Variants in BARD1 observed in about 807,000 individuals in gnomAD.
The protein encoded by BARD1 is BRCA1 associated RING domain 1, also known as BRCA1-associated RING domain protein 1.
A neutral mutation model predicts 77.0 loss-of-function variants in BARD1; 73 were observed. The ratio of observed to expected loss-of-function variants is 0.95; its 90% CI spans 0.79 to 1.15. The LOEUF is 1.15. Among genes scored for constraint, BARD1 ranks in the 50% most tolerant of loss-of-function variants. The probability of loss-of-function intolerance (pLI) is 0.00; values close to 1 mark genes in which losing one functional copy is unlikely to be tolerated. For synonymous variants in BARD1, 384 were observed against 338.0 expected (o/e 1.14, Z -1.49); for missense variants, 993 against 938.8 (o/e 1.06, Z -0.75).
intron 9 of BARD1, among the ~76,000 whole-genome samples, chr2:214,737,877 A>T (rs1202405163): frequency 1.3e-5 from 2 of 152,176 alleles, no homozygotes; most frequent in African/African-American, 4.8e-5. Flanking sequence ...ATTTGTAATA[A>T]ACAGTTAATA....
rs113796802 is a variant in BARD1 at position 214,761,374 on chromosome 2, TA to T, written c.1568+6107del. ...AAATCCGAGGCAAAAAAATGAAAGA[TA>T]AAAATCACAAATCACTCTAACTTAT... is the stretch of plus-strand genomic sequence containing the variant. On this transcript the variant is annotated intron_variant, in intron 6 of 10. Transcript: ENST00000260947. Among the ~76,000 whole-genome samples, 313 of 151,898 alleles carry T rather than the reference TA, an allele frequency of 2.1e-3. 2 individuals carry two copies. The highest frequency in any genetic ancestry group is 7.1e-3 in the African/African-American group (293 of 41,446).
chr2:214,794,404 G>A (rs1476178310), intron 2 of BARD1, among the ~76,000 whole-genome samples: 1 of 152,088 alleles, frequency 6.6e-6, no homozygotes, highest in African/African-American at 2.4e-5. Flanking sequence ...AATCAAAAAA[G>A]TATCACAATA....
At chr2:214,776,554 T>C (rs1431447515) in intron 4 of BARD1, among the ~76,000 whole-genome samples, 2 of 152,090 alleles carry the variant, frequency 1.3e-5, no homozygotes, top group African/African-American at 4.8e-5. Flanking sequence ...GACTTACTGA[T>C]AGGAGAGCAG....
intron 9 of BARD1, among the ~76,000 whole-genome samples, chr2:214,734,178 A>T (rs1170085501): frequency 1.3e-5 from 2 of 152,134 alleles, no homozygotes; most frequent in African/African-American, 4.8e-5. Context: ...TTTAAATATT[A>T]AAAAAATATG....
intron 9 of BARD1, among the ~76,000 whole-genome samples, chr2:214,735,464 A>T (rs931205170): frequency 2.0e-5 from 3 of 152,118 alleles, no homozygotes; most frequent in Non-Finnish European, 4.4e-5. Flanking sequence ...TGATTTGGGG[A>T]TTACAAGAAA....
In BARD1 at chr2:214,797,927, A is replaced by T. The variant is rs1421208583; in HGVS notation, c.159-810T>A. ...AATACCTGCTACATTTGTTAATCCT[A>T]ACAAAGTAATGATACTAATAAATAC... is the stretch of plus-strand genomic sequence containing the variant. On this transcript the variant is annotated intron_variant, in intron 1 of 10. Coordinates refer to ENST00000260947, the MANE Select transcript of BARD1 (RefSeq NM_000465.4). Among the ~76,000 whole-genome samples, 3 of 152,096 alleles carry T rather than the reference A, an allele frequency of 2.0e-5. No homozygotes were observed. In the East Asian group the frequency reaches 5.8e-4, roughly 29 times the overall value.
intron 7 of BARD1, among the ~76,000 whole-genome samples, chr2:214,751,567 AG>A (rs918209515): frequency 6.6e-5 from 10 of 152,032 alleles, no homozygotes; most frequent in Non-Finnish European, 1.5e-5. Context: ...GTACAGTAAA[AG>A]TTTTTATATC....
At chr2:214,790,059 A>T (rs1695446987) in intron 3 of BARD1, among the ~76,000 whole-genome samples, 1 of 152,116 alleles carries the variant, frequency 6.6e-6, no homozygotes, top group Admixed American at 6.6e-5. Flanking sequence ...AAATATGAAG[A>T]AAGCATTTCA....
rs201219625 is a variant in BARD1, at chr2:214,792,281, T to C, written c.364+16A>G. The C allele has an allele frequency of 2.1e-5, 34 of 1,611,744 alleles. No individual in the cohort carries two copies. The highest frequency in any genetic ancestry group is 2.5e-5 in the Non-Finnish European group (30 of 1,178,826). ...AACTGATGAATTTAACTAAGAGAGA[T>C]AGGGATAGTTCTTACCTGACAGCTC... On this transcript the variant is annotated intron_variant, in intron 3 of 10. Coordinates refer to ENST00000260947, the MANE Select transcript of BARD1 (RefSeq NM_000465.4).
chr2:214,741,761 T>C (rs1056813864), intron 9 of BARD1, among the ~76,000 whole-genome samples: 5 of 152,188 alleles, frequency 3.3e-5, no homozygotes, highest in African/African-American at 9.7e-5. Context: ...TGTAAAATTA[T>C]GGCTTAGTCT....
intron 9 of BARD1, among the ~76,000 whole-genome samples, chr2:214,742,564 G>C (rs951648770): frequency 8.5e-5 from 13 of 152,094 alleles, no homozygotes; most frequent in African/African-American, 2.9e-4. Flanking sequence ...TATCCTAAAA[G>C]AACCATTGAT....
rs534199075 is a variant in BARD1 at position 214,734,757 on chromosome 2, CT to C, written c.1904-4250del. 7.2e-5 allele frequency among the ~76,000 whole-genome samples: 11 copies of C among 152,198 alleles called. No homozygotes were observed. In the South Asian group the frequency reaches 2.3e-3, roughly 32 times the overall value. On this transcript the variant is annotated intron_variant, in intron 9 of 10. Coordinates refer to ENST00000260947, the MANE Select transcript of BARD1 (RefSeq NM_000465.4). ...ATACCAATTTATTCTATTCTGTTTT[CT>C]TTTTACTTTTCTAACTTTAAATGAC...
chr2:214,729,691 C>A (rs1419979542), intron 10 of BARD1, among the ~76,000 whole-genome samples: 1 of 152,140 alleles, frequency 6.6e-6, no homozygotes, highest in African/African-American at 2.4e-5. Flanking sequence ...TTTGGTGGGA[C>A]TTAAAGCCTC....
chr2:214,741,523 CT>C (rs1023220117), intron 9 of BARD1, among the ~76,000 whole-genome samples: 2 of 152,048 alleles, frequency 1.3e-5, no homozygotes, highest in African/African-American at 4.8e-5. Context: ...ACCTTCTATT[CT>C]TTCATTCTTA....
rs1559393124 is a variant in BARD1 at position 214,751,141 on chromosome 2, A to T, written c.1677+1306T>A. 9.2e-4 allele frequency among the ~76,000 whole-genome samples: 18 copies of T among 19,500 alleles called. 2 individuals carry two copies. Among genetic ancestry groups the T allele is most frequent in the Non-Finnish European group, 1.4e-3 (11 of 7,900 alleles). The allele number at this position is 19,500 out of a possible 152,430, so 12.8% of individuals were successfully genotyped here. A position where few individuals can be genotyped will look rare whatever the true frequency, so the allele number is the denominator to read the frequency against. The stretch of plus-strand genomic sequence containing the variant: ...TGTATATATATATATATATATATAT[A>T]TATATATATATTTTTTTTTTTTTTT... On this transcript the variant is annotated intron_variant, in intron 7 of 10. Transcript: ENST00000260947.
intron 3 of BARD1, among the ~76,000 whole-genome samples, chr2:214,783,377 C>T (rs1695128762): frequency 6.6e-6 from 1 of 152,146 alleles, no homozygotes; most frequent in African/African-American, 2.4e-5. Flanking sequence ...GAATACTATG[C>T]AGCCATAAAA....
rs7563831 is a variant in BARD1 at position 214,781,694 on chromosome 2, C to T, written c.365-185G>A. On this transcript the variant is annotated intron_variant, in intron 3 of 10. Transcript: ENST00000260947. ...TCACTCATTCAATACTTACTGAATCCGACTTTGTGCCATATCCTAGAGACT... is the reference window on the plus strand; with the variant it reads ...TCACTCATTCAATACTTACTGAATCTGACTTTGTGCCATATCCTAGAGACT... Among the ~76,000 whole-genome samples the T allele has an allele frequency of 8.1e-3, 1,228 of 152,026 alleles. 15 individuals are homozygous for T. Among genetic ancestry groups the T allele is most frequent in the African/African-American group, 0.028 (1,151 of 41,460 alleles).
chr2:214,746,584 A>G (rs964602739), intron 7 of BARD1, among the ~76,000 whole-genome samples: 2 of 128,112 alleles, frequency 1.6e-5, no homozygotes, highest in African/African-American at 2.7e-5. Flanking sequence ...AGGAAACAAT[A>G]TATGTCCATA....
chr2:214,792,229 T>C lies in BARD1; in HGVS notation c.364+68A>G, dbSNP rs1695547748. The C allele has an allele frequency of 7.6e-6, 11 of 1,440,892 alleles. No individual in the cohort carries two copies. The South Asian group carries it at 1.2e-4, about 15-fold the overall frequency. 89.3% of individuals were successfully genotyped at this position (1,440,892 alleles called of 1,614,324 possible). A position where few individuals can be genotyped will look rare whatever the true frequency, so the allele number is the denominator to read the frequency against. On this transcript the variant is annotated intron_variant, in intron 3 of 10. Transcript: ENST00000260947. Reference sequence around the variant, plus strand: ...AACTCCAGATAGATGTTTTATATACTTTATGAATATGAATTCATCAGTTTT... The same window carrying C: ...AACTCCAGATAGATGTTTTATATACCTTATGAATATGAATTCATCAGTTTT...
Sources: allele counts gnomAD v4.1 joint callset (sites outside exome capture counted in the v4.1 genomes callset), GRCh38; gene constraint gnomAD v4.1.1; transcripts MANE v1.5; gene names NCBI Gene and HGNC (gene_info 2026-07-23, HGNC 2026-07-21).